HTT: variants seen among roughly 807,000 people sequenced by gnomAD.
HTT encodes huntingtin, also known as huntington disease protein.
HTT carries 104 observed loss-of-function variants against 362.3 expected under a neutral mutation model. The observed-to-expected ratio is 0.29, with a 90% confidence interval of 0.24 to 0.34. The LOEUF is 0.34. HTT is among the 10% of genes least tolerant of loss of function. The pLI is 1.00. For synonymous variants in HTT, 1,577 were observed against 1,548.7 expected, an observed-to-expected ratio of 1.02 and a Z score of -0.43; for missense variants, 3,301 against 3,928.6, an observed-to-expected ratio of 0.84 and a Z score of 4.27.
intron 27 of HTT, 91 bp downstream of exon 27, chr4:3,154,510 T>G: frequency 6.7e-7 from 1 of 1,503,288 alleles, no homozygotes; most frequent in Non-Finnish European, 9.0e-7. Flanking sequence ...TTTAGAGAAA[T>G]AAATATAATA....
At chr4:3,151,368 CAG>C (rs753833247) in intron 26 of HTT, among the ~76,000 whole-genome samples, 8 of 147,400 alleles carry the variant, frequency 5.4e-5, no homozygotes, top group Non-Finnish European at 7.5e-5. Context: ...GAGAGAGAGA[CAG>C]AGAGAGAGAG....
chr4:3,180,121 A>G (rs946485277), intron 35 of HTT, among the ~76,000 whole-genome samples: 1 of 147,744 alleles, frequency 6.8e-6, no homozygotes, highest in Admixed American at 6.6e-5. Flanking sequence ...GACTAAATGT[A>G]TTATGTGGAA....
Position 3,140,643 on chromosome 4 carries a change from A to G in HTT, c.2932A>G (p.Ser978Gly). Residue 978 changes from serine to glycine, a missense_variant, in exon 22 of 67, where the codon AGC becomes GGC. Coordinates refer to ENST00000355072, the MANE Select transcript of HTT (RefSeq NM_001388492.1). ...ETQPPSHFSV[S>G]TITRIYRGYN... ...GCAGCCTCCATCTCATTTCTCCGTC[A>G]GCACAATAACCAGGTATGCTGACCC... 6.2e-7 allele frequency: 1 copy of G among 1,614,128 alleles called. No homozygotes were observed. The highest frequency in any genetic ancestry group is 8.5e-7 in the Non-Finnish European group (1 of 1,179,968).
chr4:3,191,989 C>T lies in HTT; in HGVS notation c.5368+2896C>T, dbSNP rs112908493. On this transcript the variant is annotated intron_variant, in intron 40 of 66. Coordinates refer to ENST00000355072, the MANE Select transcript of HTT (RefSeq NM_001388492.1). ...CAGGCAAGGGTAGTTGGTAGGACTG[C>T]ATCTAGTGTTGTAATTCTGTGGTCT... 5.4e-4 allele frequency among the ~76,000 whole-genome samples: 82 copies of T among 152,294 alleles called. 2 individuals carry two copies. Among genetic ancestry groups the T allele is most frequent in the African/African-American group, 1.9e-3 (79 of 41,568 alleles).
At chr4:3,141,429 G>T (rs1054373719) in intron 22 of HTT, among the ~76,000 whole-genome samples, 2 of 152,100 alleles carry the variant, frequency 1.3e-5, no homozygotes, top group African/African-American at 4.8e-5. Context: ...CATAATTCCT[G>T]AATAAATAAC....
At chr4:3,127,191 T>C (rs1715560258) in intron 11 of HTT, 73 bp from the exon 12 acceptor site, 2 of 1,137,950 alleles carry the variant, frequency 1.8e-6, no homozygotes, top group East Asian at 2.4e-5. Context: ...CTGTTCGTTA[T>C]TTTGCAAGCC....
intron 38 of HTT, among the ~76,000 whole-genome samples, chr4:3,187,309 C>T (rs1459287594): frequency 6.6e-6 from 1 of 151,982 alleles, no homozygotes; most frequent in African/African-American, 2.4e-5. Context: ...GTGCGTGCCA[C>T]TGTGCCCGGC....
intron 42 of HTT, among the ~76,000 whole-genome samples, chr4:3,205,654 A>T (rs1255022064): frequency 6.6e-6 from 1 of 152,206 alleles, no homozygotes; most frequent in Admixed American, 6.5e-5. Flanking sequence ...GGAAATGTTC[A>T]TTGGAAGGTT....
At chr4:3,226,465 T>C (rs1474839382) in intron 57 of HTT, among the ~76,000 whole-genome samples, 2 of 152,090 alleles carry the variant, frequency 1.3e-5, no homozygotes, top group African/African-American at 2.4e-5. Flanking sequence ...ACCAGTACTC[T>C]GTCCCTTAAA....
At chr4:3,140,210 A>G (rs1301090981) in intron 21 of HTT, among the ~76,000 whole-genome samples, 3 of 151,888 alleles carry the variant, frequency 2.0e-5, no homozygotes, top group African/African-American at 7.3e-5. Context: ...GCAGTGAGCC[A>G]AGATTGCACC....
chr4:3,128,316 A>G (rs1363916873), intron 12 of HTT: 1 of 152,198 alleles, frequency 6.6e-6, no homozygotes, highest in East Asian at 1.9e-4. Flanking sequence ...TAATACCCCT[A>G]TTGACAGCGC....
chr4:3,128,710 C>T (rs2110185914), intron 12 of HTT: 1 of 152,282 alleles, frequency 6.6e-6, no homozygotes, highest in East Asian at 1.9e-4. Flanking sequence ...ATAATGTTTG[C>T]TACAAGTCCA....
At position 3,168,910 on chromosome 4, in the gene HTT, A is replaced by T. The variant is rs980762371; in HGVS notation, c.3865-3410A>T. Reference sequence around the variant, plus strand: ...ATTTGATAATGATATGCCCTGATGTAGTTTTTTTATATCTTGTGTTTCTTG... The same window carrying T: ...ATTTGATAATGATATGCCCTGATGTTGTTTTTTTATATCTTGTGTTTCTTG... On this transcript the variant is annotated intron_variant, in intron 29 of 66. Coordinates refer to ENST00000355072, the MANE Select transcript of HTT (RefSeq NM_001388492.1). 4.6e-5 allele frequency among the ~76,000 whole-genome samples: 7 copies of T among 151,866 alleles called. No homozygotes were observed. The East Asian group carries it at 1.2e-3, about 25-fold the overall frequency.
intron 51 of HTT, among the ~76,000 whole-genome samples, chr4:3,216,056 C>T (rs1578596924): frequency 6.6e-6 from 1 of 152,210 alleles, no homozygotes; most frequent in African/African-American, 2.4e-5. Flanking sequence ...CTCTGTGGCT[C>T]AGGAAACACG....
At chr4:3,138,155 C>G (rs1716165809) in intron 21 of HTT, among the ~76,000 whole-genome samples, 2 of 135,124 alleles carry the variant, frequency 1.5e-5, no homozygotes, top group East Asian at 3.9e-4. Context: ...TTTCCCTTTC[C>G]CTTCCCCTTT....
intron 2 of HTT, among the ~76,000 whole-genome samples, chr4:3,088,088 C>T (rs1713305865): frequency 6.6e-6 from 1 of 152,170 alleles, no homozygotes; most frequent in Non-Finnish European, 1.5e-5. Flanking sequence ...CTGCCCGCCT[C>T]AGCCTCCCAA....
At chr4:3,207,045 A>AGGT in intron 44 of HTT, 62 bp downstream of exon 44, 1 of 1,488,390 alleles carries the variant, frequency 6.7e-7, no homozygotes, top group Non-Finnish European at 9.1e-7. Context: ...CAAGCAAAAC[A>AGGT]GGTGGCTGGC....
chr4:3,100,701 C>T (rs1714109435), intron 3 of HTT, among the ~76,000 whole-genome samples: 1 of 152,208 alleles, frequency 6.6e-6, no homozygotes. Context: ...TCCTTGCTTG[C>T]TTCTTTTATT....
chr4:3,208,719 T>TTA, intron 45 of HTT, 54 bp from the exon 46 acceptor site: 1 of 1,210,422 alleles, frequency 8.3e-7, no homozygotes, highest in Non-Finnish European at 1.1e-6. Context: ...AGACTAAGAC[T>TTA]AAAAAAAAAA....
Sources: allele counts gnomAD v4.1 joint callset (sites outside exome capture counted in the v4.1 genomes callset), GRCh38; gene constraint gnomAD v4.1.1; transcripts MANE v1.5; gene names NCBI Gene and HGNC (gene_info 2026-07-23, HGNC 2026-07-21).